The following PAK5 variants were observed in gnomAD, a reference collection of about 807,000 sequenced individuals.
The protein encoded by PAK5 is serine/threonine-protein kinase PAK 5.
PAK5 carries 16 observed loss-of-function variants against 65.9 expected under a neutral mutation model. That is an observed-to-expected ratio of 0.24 (90% CI 0.16 to 0.37). The LOEUF is 0.37. PAK5 is among the 10% of genes least tolerant of loss of function. PAK5 has a pLI of 1.00. For missense variants in PAK5, 785 were observed against 903.9 expected (o/e 0.87, Z 1.69); for synonymous variants, 371 against 354.9 (o/e 1.05, Z -0.51).
intron 1 of PAK5, among the ~76,000 whole-genome samples, chr20:9,731,480 A>G (rs2423447): frequency 0.21 from 31,745 of 152,138 alleles, 3,512 homozygotes; most frequent in East Asian, 0.31. Flanking sequence ...CAGTAGCCAC[A>G]TGTGGTTAGT....
At chr20:9,741,557 C>A (rs1052155831) in intron 1 of PAK5, among the ~76,000 whole-genome samples, 5 of 152,256 alleles carry the variant, frequency 3.3e-5, no homozygotes, top group Admixed American at 3.3e-4. Flanking sequence ...CTTTGGCAAG[C>A]TACTTGACCC....
intron 4 of PAK5, among the ~76,000 whole-genome samples, chr20:9,567,705 A>G (rs2045705616): frequency 6.6e-6 from 1 of 152,258 alleles, no homozygotes; most frequent in African/African-American, 2.4e-5. Flanking sequence ...CCAACAGTCA[A>G]AATGAATGAT....
At chr20:9,620,422 C>T (rs1418221118) in intron 3 of PAK5, among the ~76,000 whole-genome samples, 1 of 152,234 alleles carries the variant, frequency 6.6e-6, no homozygotes, top group Admixed American at 6.5e-5. Flanking sequence ...TTCTCCCTCT[C>T]CTCCATGTTC....
At chr20:9,548,636 A>G (rs924394331) in intron 7 of PAK5, among the ~76,000 whole-genome samples, 2 of 152,212 alleles carry the variant, frequency 1.3e-5, no homozygotes, top group Non-Finnish European at 2.9e-5. Context: ...GCAAACAAAC[A>G]GCAGAAACTC....
chr20:9,797,067 T>G (rs1473067299), intron 1 of PAK5, among the ~76,000 whole-genome samples: 1 of 151,716 alleles, frequency 6.6e-6, no homozygotes, highest in Non-Finnish European at 1.5e-5. Context: ...TCCTGACTTT[T>G]TAATGATCAC....
intron 3 of PAK5, among the ~76,000 whole-genome samples, chr20:9,627,274 A>T (rs2046857245): frequency 6.6e-6 from 1 of 152,218 alleles, no homozygotes; most frequent in African/African-American, 2.4e-5. Context: ...ACCTCTCCTT[A>T]GTGTTGTTTA....
intron 2 of PAK5, among the ~76,000 whole-genome samples, chr20:9,677,069 G>T (rs1295290472): frequency 4.9e-5 from 7 of 142,884 alleles, no homozygotes; most frequent in African/African-American, 7.5e-5. Context: ...GTGTGTGTGT[G>T]TGTGTGTGTG....
At position 9,600,904 on chromosome 20, in the gene PAK5, G is replaced by A. The variant is rs1000304696; in HGVS notation, c.205-19974C>T. ...ACCTTCTCTTCATTTTTTCTGGAGA[G>A]TTTTCCTGTCTGCATAGCCTGTGTT... On this transcript the variant is annotated intron_variant, in intron 3 of 9. Transcript: ENST00000353224. Among the ~76,000 whole-genome samples the A allele has an allele frequency of 1.5e-4, 23 of 152,144 alleles. 1 individual carries two copies. Among genetic ancestry groups the A allele is most frequent in the Non-Finnish European group, 3.1e-4 (21 of 68,040 alleles).
At chr20:9,602,261 A>G (rs1324882124) in intron 3 of PAK5, among the ~76,000 whole-genome samples, 1 of 151,870 alleles carries the variant, frequency 6.6e-6, no homozygotes, top group Non-Finnish European at 1.5e-5. Flanking sequence ...ACTGCACTCC[A>G]GCCTGGCAAC....
intron 2 of PAK5, among the ~76,000 whole-genome samples, chr20:9,708,823 A>T (rs2048041765): frequency 6.6e-6 from 1 of 152,144 alleles, no homozygotes; most frequent in Non-Finnish European, 1.5e-5. Flanking sequence ...CATGCCCTTG[A>T]TTGGGATAAA....
At chr20:9,603,369 C>A (rs2046393976) in intron 3 of PAK5, among the ~76,000 whole-genome samples, 1 of 152,144 alleles carries the variant, frequency 6.6e-6, no homozygotes, top group Non-Finnish European at 1.5e-5. Flanking sequence ...TCTCTGTTTT[C>A]TTCTTCCCGC....
intron 1 of PAK5, among the ~76,000 whole-genome samples, chr20:9,834,798 A>G (rs76534571): frequency 0.036 from 5,505 of 152,200 alleles, 345 homozygotes; most frequent in African/African-American, 0.12. Context: ...TTTATTTATT[A>G]TTATACATAA....
intron 3 of PAK5, among the ~76,000 whole-genome samples, chr20:9,597,751 T>C (rs1403730388): frequency 6.6e-6 from 1 of 152,154 alleles, no homozygotes; most frequent in Admixed American, 6.5e-5. Context: ...CTGGTTACCA[T>C]GTGTACAAGT....
chr20:9,680,338 T>C (rs2047632694), intron 2 of PAK5, among the ~76,000 whole-genome samples: 1 of 152,140 alleles, frequency 6.6e-6, no homozygotes, highest in Non-Finnish European at 1.5e-5. Context: ...AACAAGAGTT[T>C]GAGTGCAAGT....
Position 9,720,284 on chromosome 20 carries a change from TC to T in PAK5, c.-161-8850del, listed in dbSNP as rs201426760. On this transcript the variant is annotated intron_variant, in intron 1 of 9. Transcript: ENST00000353224. Reference sequence around the variant, plus strand: ...AAAAAGTTATTTTTATTTTTATTAGTCTTTAACAGTCAATAAATCCCAATAA... The same window carrying T: ...AAAAAGTTATTTTTATTTTTATTAGTTTTAACAGTCAATAAATCCCAATAA... Among the ~76,000 whole-genome samples, 1,458 of 152,246 alleles carry T rather than the reference TC, an allele frequency of 9.6e-3. 25 individuals are homozygous for T. The highest frequency in any genetic ancestry group is 0.032 in the African/African-American group (1,329 of 41,514).
At chr20:9,815,852 A>G (rs2049350978) in intron 1 of PAK5, among the ~76,000 whole-genome samples, 1 of 152,094 alleles carries the variant, frequency 6.6e-6, no homozygotes, top group Non-Finnish European at 1.5e-5. Flanking sequence ...CTGTCACATA[A>G]CTCAAACCAA....
At chr20:9,701,893 G>C (rs2047943951) in intron 2 of PAK5, among the ~76,000 whole-genome samples, 1 of 151,956 alleles carries the variant, frequency 6.6e-6, no homozygotes, top group Non-Finnish European at 1.5e-5. Flanking sequence ...CCAGCTACTT[G>C]GGAGGTTGAG....
intron 3 of PAK5, among the ~76,000 whole-genome samples, chr20:9,611,093 C>G (rs1275428716): frequency 6.6e-6 from 1 of 152,220 alleles, no homozygotes; most frequent in Non-Finnish European, 1.5e-5. Context: ...ATTTTCCATT[C>G]CCTGTATTTT....
intron 9 of PAK5, 47 bp from the exon 10 acceptor site, chr20:9,539,664 A>G (rs781096553): frequency 4.0e-6 from 6 of 1,513,090 alleles, no homozygotes; most frequent in Non-Finnish European, 3.6e-6. Context: ...ACAGACACCT[A>G]ACCCAGTCCC....
Sources: allele counts gnomAD v4.1 joint callset (sites outside exome capture counted in the v4.1 genomes callset), GRCh38; gene constraint gnomAD v4.1.1; transcripts MANE v1.5; gene names NCBI Gene and HGNC (gene_info 2026-07-23, HGNC 2026-07-21).